NKAIN2: variants seen among roughly 807,000 people sequenced by gnomAD.
The protein encoded by NKAIN2 is sodium/potassium transporting ATPase interacting 2.
NKAIN2 carries 14 observed loss-of-function variants against 32.6 expected under a neutral mutation model. The observed-to-expected ratio is 0.43, with a 90% CI of 0.28 to 0.67. The LOEUF (loss-of-function observed/expected upper bound fraction) is 0.67, where lower values mean the gene tolerates loss of function less well. Ranked by LOEUF, NKAIN2 falls within the 30% of genes least tolerant of loss-of-function variation. The pLI is 0.17. For synonymous variants in NKAIN2, 80 were observed against 87.2 expected, an observed-to-expected ratio of 0.92 and a Z score of 0.46; for missense variants, 198 against 258.3, an observed-to-expected ratio of 0.77 and a Z score of 1.60.
chr6:124,808,007 A>T (rs1780674512), intron 5 of NKAIN2, among the ~76,000 whole-genome samples: 3 of 149,164 alleles, frequency 2.0e-5, no homozygotes, highest in African/African-American at 7.3e-5. Flanking sequence ...TTACCAACCA[A>T]AAAGAGTCCA....
intron 4 of NKAIN2, among the ~76,000 whole-genome samples, chr6:124,767,849 C>T (rs1778580318): frequency 1.3e-5 from 2 of 152,154 alleles, no homozygotes; most frequent in Non-Finnish European, 2.9e-5. Flanking sequence ...TCTGGTGCCT[C>T]CCACTAAAGT....
chr6:123,838,881 C>G (rs572963961), intron 1 of NKAIN2, among the ~76,000 whole-genome samples: 7 of 152,298 alleles, frequency 4.6e-5, no homozygotes, highest in Middle Eastern at 3.4e-3. Context: ...ATTAGAAAAT[C>G]TATTCTTTCT....
chr6:124,414,150 G>T (rs1274471967), intron 3 of NKAIN2, among the ~76,000 whole-genome samples: 2 of 151,994 alleles, frequency 1.3e-5, no homozygotes, highest in Non-Finnish European at 2.9e-5. Context: ...CCATTAAATA[G>T]AATGTTAGCT....
At chr6:124,494,744 C>A (rs1777999711) in intron 3 of NKAIN2, among the ~76,000 whole-genome samples, 1 of 152,042 alleles carries the variant, frequency 6.6e-6, no homozygotes, top group African/African-American at 2.4e-5. Context: ...TTGATTGCCA[C>A]CTCAGTGTCT....
chr6:124,440,364 G>A (rs1055198758), intron 3 of NKAIN2, among the ~76,000 whole-genome samples: 1 of 152,148 alleles, frequency 6.6e-6, no homozygotes, highest in Admixed American at 6.6e-5. Context: ...AGCTCCTTTT[G>A]CTGCAGCTGG....
rs142387344 is a variant in NKAIN2, at chr6:124,777,947, TCACA to T, written c.475-13367_475-13364del. ...TTTCTTGCTTTATTAGAAATCACAT[TCACA>T]CACACACACACACACACACACACAA... On this transcript the variant is annotated intron_variant, in intron 4 of 6. Coordinates refer to ENST00000368417, the MANE Select transcript of NKAIN2 (RefSeq NM_001040214.3). Among the ~76,000 whole-genome samples, 268 of 146,942 alleles carry T rather than the reference TCACA, an allele frequency of 1.8e-3. 1 individual carries two copies. Among genetic ancestry groups the T allele is most frequent in the Middle Eastern group, 3.5e-3 (1 of 288 alleles).
chr6:123,892,780 T>G (rs901998143), intron 1 of NKAIN2, among the ~76,000 whole-genome samples: 1 of 151,754 alleles, frequency 6.6e-6, no homozygotes, highest in African/African-American at 2.4e-5. Flanking sequence ...CAGACTAGCA[T>G]GTACAGATGC....
intron 1 of NKAIN2, among the ~76,000 whole-genome samples, chr6:124,178,239 C>T (rs1789258746): frequency 6.6e-6 from 1 of 152,072 alleles, no homozygotes; most frequent in South Asian, 2.1e-4. Context: ...TGTTGTTTAT[C>T]AGACCCCCCA....
chr6:124,680,395 T>A (rs537392678), intron 4 of NKAIN2, among the ~76,000 whole-genome samples: 178 of 152,228 alleles, frequency 1.2e-3, no homozygotes, highest in African/African-American at 4.2e-3. Flanking sequence ...TAGCTTCTCA[T>A]GAACTCATTC....
chr6:124,153,326 T>G (rs1324549313), intron 1 of NKAIN2, among the ~76,000 whole-genome samples: 2 of 151,836 alleles, frequency 1.3e-5, no homozygotes, highest in Non-Finnish European at 3.0e-5. Context: ...ATATTGTAGA[T>G]TCTTTGAGTT....
At chr6:124,524,172 T>C (rs914611619) in intron 3 of NKAIN2, among the ~76,000 whole-genome samples, 1 of 152,202 alleles carries the variant, frequency 6.6e-6, no homozygotes, top group Non-Finnish European at 1.5e-5. Context: ...ACTCAGTGAC[T>C]AGGCTATTAA....
At chr6:123,882,194 A>G (rs1345335037) in intron 1 of NKAIN2, among the ~76,000 whole-genome samples, 1 of 152,096 alleles carries the variant, frequency 6.6e-6, no homozygotes, top group East Asian at 1.9e-4. Flanking sequence ...TCAAATATAT[A>G]TTTAAAATAA....
chr6:123,998,384 AT>A (rs1314365301), intron 1 of NKAIN2, among the ~76,000 whole-genome samples: 8 of 152,200 alleles, frequency 5.3e-5, no homozygotes, highest in Non-Finnish European at 7.3e-5. Context: ...ATGCCAAATA[AT>A]AAAAAATGTC....
intron 3 of NKAIN2, among the ~76,000 whole-genome samples, chr6:124,461,179 T>G (rs902277477): frequency 6.6e-6 from 1 of 151,786 alleles, no homozygotes; most frequent in African/African-American, 2.4e-5. Context: ...AAAACTCTTT[T>G]AATTCCTTGG....
At chr6:124,324,007 G>T (rs937927263) in intron 2 of NKAIN2, among the ~76,000 whole-genome samples, 1 of 151,884 alleles carries the variant, frequency 6.6e-6, no homozygotes, top group African/African-American at 2.4e-5. Flanking sequence ...TAGCCAGGAT[G>T]GTCTCGATCT....
chr6:124,460,506 G>C (rs887283815), intron 3 of NKAIN2, among the ~76,000 whole-genome samples: 3 of 148,582 alleles, frequency 2.0e-5, no homozygotes, highest in African/African-American at 7.5e-5. Context: ...TGGAATTCAG[G>C]ATTGTTAGGT....
intron 3 of NKAIN2, among the ~76,000 whole-genome samples, chr6:124,584,937 A>G (rs764355559): frequency 6.6e-6 from 1 of 152,196 alleles, no homozygotes; most frequent in Non-Finnish European, 1.5e-5. Flanking sequence ...CATATGATCT[A>G]GCAATCCCAC....
intron 6 of NKAIN2, among the ~76,000 whole-genome samples, chr6:124,820,404 T>C (rs1168752801): frequency 1.3e-5 from 2 of 152,184 alleles, no homozygotes; most frequent in African/African-American, 4.8e-5. Context: ...ATACAGACTT[T>C]ATCTGATTGC....
intron 3 of NKAIN2, among the ~76,000 whole-genome samples, chr6:124,589,828 GC>G (rs1781843369): frequency 6.6e-6 from 1 of 150,648 alleles, no homozygotes; most frequent in Non-Finnish European, 1.5e-5. Flanking sequence ...CCCTCCTTTT[GC>G]CCCCCACCCC....
Sources: allele counts gnomAD v4.1 joint callset (sites outside exome capture counted in the v4.1 genomes callset), GRCh38; gene constraint gnomAD v4.1.1; transcripts MANE v1.5; gene names NCBI Gene and HGNC (gene_info 2026-07-23, HGNC 2026-07-21).